ADK: variants seen among roughly 807,000 people sequenced by gnomAD.
The protein encoded by ADK is N6,N6-dimethyladenosine kinase.
A neutral mutation model predicts 44.7 loss-of-function variants in ADK; 24 were observed. That is an observed-to-expected ratio of 0.54 (90% CI 0.39 to 0.76). The LOEUF (loss-of-function observed/expected upper bound fraction) is 0.76. Ranked by LOEUF, ADK falls within the 30% of genes least tolerant of loss-of-function variation. The probability of loss-of-function intolerance (pLI) is 0.00; values close to 1 mark genes in which losing one functional copy is unlikely to be tolerated. For synonymous variants in ADK, 128 were observed against 142.6 expected (o/e 0.90, Z 0.73); for missense variants, 321 against 425.1 (o/e 0.76, Z 2.15).
At chr10:74,584,677 A>G (rs909190278) in intron 7 of ADK, among the ~76,000 whole-genome samples, 3 of 152,192 alleles carry the variant, frequency 2.0e-5, no homozygotes, top group Non-Finnish European at 2.9e-5. Context: ...GTCTAATATC[A>G]TTATAAGGCC....
At chr10:74,673,576 C>T (rs1236705992) in intron 10 of ADK, among the ~76,000 whole-genome samples, 1 of 152,138 alleles carries the variant, frequency 6.6e-6, no homozygotes, top group Non-Finnish European at 1.5e-5. Context: ...GGAAGCTGCC[C>T]GTGACCCCTG....
At chr10:74,265,175 G>A (rs1036809874) in intron 3 of ADK, among the ~76,000 whole-genome samples, 1 of 151,654 alleles carries the variant, frequency 6.6e-6, no homozygotes, top group Non-Finnish European at 1.5e-5. Flanking sequence ...TGATTTAGCT[G>A]ATGATAAGCT....
rs181292152 is a variant in ADK, at chr10:74,473,834, G to A, written c.556-51422G>A. On this transcript the variant is annotated intron_variant, in intron 6 of 10. Coordinates refer to ENST00000539909, the MANE Select transcript of ADK (RefSeq NM_006721.4). ...TAAATCCACCCCACACTTGGGGGTG[G>A]GGGGGTAAATACAAAATGAATAGTG... Among the ~76,000 whole-genome samples, 238 of 152,140 alleles carry A rather than the reference G, an allele frequency of 1.6e-3. 2 individuals carry two copies. The highest frequency in any genetic ancestry group is 5.4e-3 in the African/African-American group (226 of 41,502).
At chr10:74,353,926 A>G (rs895767105) in intron 4 of ADK, among the ~76,000 whole-genome samples, 1 of 152,232 alleles carries the variant, frequency 6.6e-6, no homozygotes, top group Non-Finnish European at 1.5e-5. Context: ...GAGAATTTAA[A>G]TCATCCTTTC....
intron 1 of ADK, among the ~76,000 whole-genome samples, chr10:74,152,264 G>T (rs929333239): frequency 2.2e-4 from 34 of 152,186 alleles, no homozygotes; most frequent in African/African-American, 6.0e-4. Context: ...GGGCCTGGTG[G>T]TGTGTTCATG....
chr10:74,302,499 A>T (rs182744503), intron 3 of ADK, among the ~76,000 whole-genome samples: 2 of 151,942 alleles, frequency 1.3e-5, no homozygotes, highest in East Asian at 3.9e-4. Flanking sequence ...ACTGGAAAGA[A>T]TTTATATTCC....
intron 6 of ADK, among the ~76,000 whole-genome samples, chr10:74,452,155 CTTGA>C (rs1845802335): frequency 6.6e-6 from 1 of 151,522 alleles, no homozygotes; most frequent in African/African-American, 2.4e-5. Context: ...AGAAAATAGG[CTTGA>C]TTAACAAAAA....
At chr10:74,496,710 C>G (rs1847699632) in intron 6 of ADK, among the ~76,000 whole-genome samples, 1 of 152,096 alleles carries the variant, frequency 6.6e-6, no homozygotes, top group Admixed American at 6.5e-5. Flanking sequence ...CTCAAGTGAT[C>G]CTCTTGCTTC....
chr10:74,327,353 G>A (rs189759289), intron 4 of ADK, among the ~76,000 whole-genome samples: 8 of 152,038 alleles, frequency 5.3e-5, no homozygotes, highest in Admixed American at 2.6e-4. Flanking sequence ...CATTGTGATC[G>A]GAAAATATAA....
At chr10:74,176,725 G>C in intron 1 of ADK, 1 of 1,492,338 alleles carries the variant, frequency 6.7e-7, no homozygotes, top group South Asian at 1.3e-5. Flanking sequence ...GGCTAGCCAG[G>C]GGCCGCCCGC....
At chr10:74,426,896 A>C (rs1008263796) in intron 6 of ADK, among the ~76,000 whole-genome samples, 1 of 152,100 alleles carries the variant, frequency 6.6e-6, no homozygotes, top group African/African-American at 2.4e-5. Context: ...GCACCCATCA[A>C]CTATCACCTA....
intron 10 of ADK, among the ~76,000 whole-genome samples, chr10:74,677,965 CAA>C (rs3037448): frequency 4.4e-3 from 189 of 43,036 alleles, no homozygotes; most frequent in African/African-American, 0.018. Context: ...CCAGTCTCTA[CAA>C]AAAAAAAAAA....
intron 6 of ADK, among the ~76,000 whole-genome samples, chr10:74,427,038 T>C (rs981847391): frequency 6.6e-6 from 1 of 152,074 alleles, no homozygotes; most frequent in Non-Finnish European, 1.5e-5. Flanking sequence ...AAATGAATAC[T>C]ATATCCATAC....
At chr10:74,525,876 A>G (rs1426359897) in intron 7 of ADK, among the ~76,000 whole-genome samples, 1 of 152,084 alleles carries the variant, frequency 6.6e-6, no homozygotes, top group Admixed American at 6.5e-5. Flanking sequence ...GCTGGTCACG[A>G]ACTCCTGACC....
chr10:74,527,808 C>G (rs1384115201), intron 7 of ADK: 1 of 1,447,730 alleles, frequency 6.9e-7, no homozygotes, highest in Non-Finnish European at 9.7e-7. Flanking sequence ...CTTCAGCGAT[C>G]CTTAATAGAG....
intron 6 of ADK, among the ~76,000 whole-genome samples, chr10:74,403,077 A>G (rs1843775237): frequency 6.6e-6 from 1 of 152,102 alleles, no homozygotes; most frequent in Admixed American, 6.5e-5. Flanking sequence ...AGAACAGCAA[A>G]TGTTGCTGCC....
chr10:74,243,798 G>A (rs939806770), intron 3 of ADK, among the ~76,000 whole-genome samples: 1 of 152,156 alleles, frequency 6.6e-6, no homozygotes, highest in African/African-American at 2.4e-5. Flanking sequence ...AGGAGTCAGA[G>A]GTTGCAGTGA....
At chr10:74,291,086 A>G (rs765306114) in intron 3 of ADK, among the ~76,000 whole-genome samples, 11 of 152,208 alleles carry the variant, frequency 7.2e-5, no homozygotes, top group Non-Finnish European at 1.0e-4. Context: ...TAAAGAATAT[A>G]GGAGTTTTTG....
At chr10:74,176,771 A>G in intron 1 of ADK, 1 of 1,572,150 alleles carries the variant, frequency 6.4e-7, no homozygotes, top group African/African-American at 1.3e-5. Flanking sequence ...CCAGTCGCTG[A>G]GTGCCTGAGC....
Sources: allele counts gnomAD v4.1 joint callset (sites outside exome capture counted in the v4.1 genomes callset), GRCh38; gene constraint gnomAD v4.1.1; transcripts MANE v1.5; gene names NCBI Gene and HGNC (gene_info 2026-07-23, HGNC 2026-07-21).